Variants in PELI2 observed in about 807,000 individuals in gnomAD.
PELI2 encodes the protein E3 ubiquitin-protein ligase pellino homolog 2.
A neutral mutation model predicts 42.3 loss-of-function variants in PELI2; 23 were observed. The ratio of observed to expected loss-of-function variants is 0.54; its 90% CI spans 0.39 to 0.77. The LOEUF is 0.77. Ranked by LOEUF, PELI2 falls within the 30% of genes least tolerant of loss-of-function variation. The pLI is 0.00. For missense variants in PELI2, 463 were observed against 553.2 expected, an observed-to-expected ratio of 0.84 and a Z score of 1.64; for synonymous variants, 245 against 212.2, an observed-to-expected ratio of 1.15 and a Z score of -1.34.
intron 1 of PELI2, among the ~76,000 whole-genome samples, chr14:56,139,429 C>G (rs1341575563): frequency 6.6e-6 from 1 of 151,520 alleles, no homozygotes; most frequent in Non-Finnish European, 1.5e-5. Context: ...AGGAAAGTAC[C>G]CTGAAGTTTT....
intron 2 of PELI2, among the ~76,000 whole-genome samples, chr14:56,243,090 C>T (rs551623084): frequency 1.5e-4 from 23 of 151,814 alleles, no homozygotes; most frequent in East Asian, 5.8e-4. Flanking sequence ...CAGATATTTG[C>T]GAGTTTTCTA....
At chr14:56,165,574 A>C (rs1884926009) in intron 1 of PELI2, among the ~76,000 whole-genome samples, 1 of 152,144 alleles carries the variant, frequency 6.6e-6, no homozygotes, top group Admixed American at 6.5e-5. Context: ...GCTGGATGAA[A>C]TATTTCGTAA....
At chr14:56,187,287 A>C (rs1289833903) in intron 2 of PELI2, among the ~76,000 whole-genome samples, 1 of 152,234 alleles carries the variant, frequency 6.6e-6, no homozygotes, top group Non-Finnish European at 1.5e-5. Flanking sequence ...ATAAGTGAAT[A>C]TGATATTTGC....
At position 56,118,598 on chromosome 14, in the gene PELI2, TCGGCGGGGATCG is replaced by T; in HGVS notation, c.-56_-45del. On this transcript the variant is annotated 5_prime_UTR_variant, in exon 1 of 6. Coordinates refer to ENST00000267460, the MANE Select transcript of PELI2 (RefSeq NM_021255.3). ...ATGGGATTGTAGCGGCGGCGCGGAC[TCGGCGGGGATCG>T]CGGCGGAGGCGGCGGCGTCGGCGGC... 3.7e-6 allele frequency: 4 copies of T among 1,083,132 alleles called. No individual in the cohort carries two copies. The highest frequency in any genetic ancestry group is 4.9e-6 in the Non-Finnish European group (4 of 822,924). The allele number at this position is 1,083,132 out of a possible 1,614,324, so 67.1% of individuals were successfully genotyped here. A position where few individuals can be genotyped will look rare whatever the true frequency, so the allele number is the denominator to read the frequency against.
intron 3 of PELI2, among the ~76,000 whole-genome samples, chr14:56,285,594 G>A (rs1048299520): frequency 1.3e-5 from 2 of 152,128 alleles, no homozygotes; most frequent in Admixed American, 1.3e-4. Context: ...CATTATTTTA[G>A]TACCAGGTAG....
At chr14:56,140,563 A>G (rs561218244) in intron 1 of PELI2, among the ~76,000 whole-genome samples, 2 of 152,246 alleles carry the variant, frequency 1.3e-5, no homozygotes, top group Non-Finnish European at 2.9e-5. Context: ...AAGACTACCT[A>G]CATTAAAGAG....
chr14:56,178,570 C>T, intron 2 of PELI2, 106 bp downstream of exon 2: 1 of 1,272,434 alleles, frequency 7.9e-7, no homozygotes, highest in East Asian at 2.3e-5. Context: ...AGGACAGTCT[C>T]TCAGACCATT....
At chr14:56,245,114 G>A (rs1181471301) in intron 2 of PELI2, among the ~76,000 whole-genome samples, 1 of 152,152 alleles carries the variant, frequency 6.6e-6, no homozygotes, top group East Asian at 1.9e-4. Context: ...AGACTTAAAG[G>A]ATAACTTAGG....
chr14:56,139,274 G>C (rs1357579873), intron 1 of PELI2, among the ~76,000 whole-genome samples: 2 of 152,214 alleles, frequency 1.3e-5, no homozygotes, highest in Non-Finnish European at 2.9e-5. Flanking sequence ...GAGAGACCTT[G>C]TGGGCTGCTG....
At chr14:56,293,246 A>G (rs1427699886) in intron 5 of PELI2, among the ~76,000 whole-genome samples, 2 of 152,222 alleles carry the variant, frequency 1.3e-5, no homozygotes, top group Admixed American at 1.3e-4. Context: ...ATTAGTTGCC[A>G]TGGTAGAGGC....
At chr14:56,192,625 G>T (rs1885990563) in intron 2 of PELI2, among the ~76,000 whole-genome samples, 2 of 152,174 alleles carry the variant, frequency 1.3e-5, no homozygotes, top group African/African-American at 4.8e-5. Flanking sequence ...AATAGTACAG[G>T]CTCTGAAGTC....
chr14:56,126,658 C>A (rs1347668693), intron 1 of PELI2, among the ~76,000 whole-genome samples: 3 of 152,150 alleles, frequency 2.0e-5, no homozygotes, highest in Non-Finnish European at 4.4e-5. Flanking sequence ...CTTCCTGCTC[C>A]ATGATTATAG....
chr14:56,262,932 A>T (rs966318278), intron 2 of PELI2, among the ~76,000 whole-genome samples: 5 of 151,908 alleles, frequency 3.3e-5, no homozygotes, highest in Non-Finnish European at 7.4e-5. Flanking sequence ...TTTTTTAGTG[A>T]CCTGTTTTAT....
chr14:56,177,492 A>T (rs1885423626), intron 1 of PELI2, among the ~76,000 whole-genome samples: 1 of 152,130 alleles, frequency 6.6e-6, no homozygotes, highest in Admixed American at 6.5e-5. Flanking sequence ...GGAAGCAGAG[A>T]ATAGTTGTGT....
intron 1 of PELI2, among the ~76,000 whole-genome samples, chr14:56,175,307 A>G (rs1885332590): frequency 6.6e-6 from 1 of 152,170 alleles, no homozygotes; most frequent in South Asian, 2.1e-4. Flanking sequence ...AGATTTCGAC[A>G]GTTCAAGCAG....
At chr14:56,242,241 A>T in intron 2 of PELI2, among the ~76,000 whole-genome samples, 1 of 152,240 alleles carries the variant, frequency 6.6e-6, no homozygotes, top group East Asian at 1.9e-4. Flanking sequence ...TAATTCCAAG[A>T]GAAACAGAGT....
chr14:56,134,932 A>G (rs983421418), intron 1 of PELI2, among the ~76,000 whole-genome samples: 3 of 152,170 alleles, frequency 2.0e-5, no homozygotes, highest in Non-Finnish European at 4.4e-5. Flanking sequence ...TCCTTTCTCC[A>G]TTTCTAATCT....
rs1245620374 is a variant in PELI2 at position 56,299,807 on chromosome 14, ACT to A, written c.*2644_*2645del. 1 of 152,000 alleles carries A rather than the reference ACT, an allele frequency of 6.6e-6. No individual in the cohort carries two copies. Among genetic ancestry groups the A allele is most frequent in the Non-Finnish European group, 1.5e-5 (1 of 67,990 alleles). 9.4% of individuals were successfully genotyped at this position (152,000 alleles called of 1,614,324 possible). A position where few individuals can be genotyped will look rare whatever the true frequency, so the allele number is the denominator to read the frequency against. ...CAGACCAATTAGTTGTCTTGGCCTGACTCTAATGCCTTTTGCAAGTAGCTTTC... is the reference window on the plus strand; with the variant it reads ...CAGACCAATTAGTTGTCTTGGCCTGACTAATGCCTTTTGCAAGTAGCTTTC... On this transcript the variant is annotated 3_prime_UTR_variant, in exon 6 of 6. Coordinates refer to ENST00000267460, the MANE Select transcript of PELI2 (RefSeq NM_021255.3).
chr14:56,204,141 C>T (rs1886434426), intron 2 of PELI2, among the ~76,000 whole-genome samples: 1 of 152,144 alleles, frequency 6.6e-6, no homozygotes, highest in African/African-American at 2.4e-5. Flanking sequence ...GAACGAATAT[C>T]CATTTTTGAA....
Sources: gnomAD v4.1 joint callset for allele counts (sites outside exome capture counted in the v4.1 genomes callset) on GRCh38, gnomAD v4.1.1 for gene constraint, MANE v1.5 for transcripts, NCBI Gene and HGNC (gene_info 2026-07-23, HGNC 2026-07-21) for gene names.